Variants in CADM2 observed in about 807,000 individuals in gnomAD.
The protein encoded by CADM2 is immunoglobulin superfamily member 4D.
A neutral mutation model predicts 49.8 loss-of-function variants in CADM2; 12 were observed. The ratio of observed to expected loss-of-function variants is 0.24; its 90% CI spans 0.15 to 0.39. The LOEUF is 0.39. Among genes scored for constraint, CADM2 ranks in the 10% least tolerant of loss-of-function variants. The pLI, the probability that CADM2 is intolerant of heterozygous loss-of-function variation, is 1.00. For missense variants in CADM2, 378 were observed against 492.3 expected (o/e 0.77, Z 2.20); for synonymous variants, 214 against 175.4 (o/e 1.22, Z -1.74).
chr3:85,377,348 G>A (rs1256976198), intron 1 of CADM2, among the ~76,000 whole-genome samples: 1 of 152,072 alleles, frequency 6.6e-6, no homozygotes, highest in Non-Finnish European at 1.5e-5. Context: ...ATTAGTGACA[G>A]AGGCTGGGAA....
At chr3:85,441,024 T>A (rs565144706) in intron 1 of CADM2, among the ~76,000 whole-genome samples, 3 of 152,102 alleles carry the variant, frequency 2.0e-5, no homozygotes, top group African/African-American at 4.8e-5. Flanking sequence ...CTTTACAATA[T>A]TGGTATCTTT....
chr3:85,018,207 A>G (rs2034334717), intron 1 of CADM2, among the ~76,000 whole-genome samples: 2 of 152,178 alleles, frequency 1.3e-5, no homozygotes, highest in Non-Finnish European at 2.9e-5. Context: ...AGAGTTTCAT[A>G]TCAGGAATCA....
chr3:86,013,390 A>G (rs1731799426), intron 8 of CADM2: 16 of 1,539,560 alleles, frequency 1.0e-5, no homozygotes, highest in Non-Finnish European at 1.4e-5. Flanking sequence ...ATACCTCTGG[A>G]TGGACAGGAG....
At chr3:85,507,307 C>G (rs2040400184) in intron 1 of CADM2, among the ~76,000 whole-genome samples, 1 of 151,650 alleles carries the variant, frequency 6.6e-6, no homozygotes, top group Non-Finnish European at 1.5e-5. Flanking sequence ...CCTGTCTCAG[C>G]CTCCCAAGTA....
At chr3:85,759,539 A>G (rs1181678798) in intron 2 of CADM2, among the ~76,000 whole-genome samples, 1 of 152,092 alleles carries the variant, frequency 6.6e-6, no homozygotes, top group Non-Finnish European at 1.5e-5. Flanking sequence ...TCTAGATGGC[A>G]ACATCTTTTA....
intron 1 of CADM2, among the ~76,000 whole-genome samples, chr3:85,238,178 T>G (rs1400702224): frequency 2.0e-5 from 3 of 151,950 alleles, no homozygotes; most frequent in Non-Finnish European, 4.4e-5. Flanking sequence ...TATTTTACTT[T>G]TATATTGTTT....
At chr3:85,289,009 C>A (rs2043707875) in intron 1 of CADM2, among the ~76,000 whole-genome samples, 1 of 152,006 alleles carries the variant, frequency 6.6e-6, no homozygotes, top group African/African-American at 2.4e-5. Flanking sequence ...TCATTTCCTC[C>A]TATGTACCAG....
At chr3:85,726,579 C>T in intron 2 of CADM2, 31 bp downstream of exon 2, 7 of 1,566,724 alleles carry the variant, frequency 4.5e-6, no homozygotes, top group Non-Finnish European at 6.1e-6. Flanking sequence ...CATGAGTCAT[C>T]ATCATTCATT....
intron 1 of CADM2, among the ~76,000 whole-genome samples, chr3:85,083,180 T>TA (rs1035882817): frequency 2.0e-4 from 30 of 152,112 alleles, no homozygotes; most frequent in African/African-American, 7.0e-4. Context: ...GTCTGTCCTC[T>TA]AAATAAGAAA....
chr3:85,961,234 A>G (rs1035115284), intron 7 of CADM2, among the ~76,000 whole-genome samples: 1 of 150,730 alleles, frequency 6.6e-6, no homozygotes, highest in African/African-American at 2.5e-5. Context: ...CTGGGACTCA[A>G]CAAATTAGTC....
chr3:86,009,798 TTTTAA>T (rs1362751058), intron 8 of CADM2, among the ~76,000 whole-genome samples: 5 of 151,908 alleles, frequency 3.3e-5, no homozygotes, highest in African/African-American at 1.2e-4. Context: ...ATAATATATA[TTTTAA>T]TTTATTTAAA....
At chr3:84,984,171 G>C (rs1426962220) in intron 1 of CADM2, among the ~76,000 whole-genome samples, 1 of 151,300 alleles carries the variant, frequency 6.6e-6, no homozygotes, top group East Asian at 1.9e-4. Flanking sequence ...TTCCCATGTT[G>C]CATCTCCTTA....
chr3:85,701,082 A>C (rs1292538168), intron 1 of CADM2, among the ~76,000 whole-genome samples: 7 of 152,170 alleles, frequency 4.6e-5, no homozygotes, highest in Admixed American at 2.0e-4. Flanking sequence ...TTCTACTTCA[A>C]TGGAGGCCTC....
chr3:85,978,573 T>G (rs559172147), intron 8 of CADM2, among the ~76,000 whole-genome samples: 4 of 151,776 alleles, frequency 2.6e-5, no homozygotes, highest in Middle Eastern at 6.8e-3. Flanking sequence ...GACTCTAAAC[T>G]GTGCATTAAC....
At chr3:85,393,086 C>CT (rs1194504111) in intron 1 of CADM2, among the ~76,000 whole-genome samples, 2 of 45,442 alleles carry the variant, frequency 4.4e-5, no homozygotes, top group Non-Finnish European at 8.9e-5. Flanking sequence ...AAAGTAAACT[C>CT]TTTAAAAAAA....
At chr3:85,184,490 A>C (rs1162641723) in intron 1 of CADM2, among the ~76,000 whole-genome samples, 1 of 152,104 alleles carries the variant, frequency 6.6e-6, no homozygotes, top group Non-Finnish European at 1.5e-5. Flanking sequence ...TTCTTTAAAC[A>C]TTTGCTGAAT....
At chr3:85,262,762 A>T (rs572255123) in intron 1 of CADM2, among the ~76,000 whole-genome samples, 1 of 152,186 alleles carries the variant, frequency 6.6e-6, no homozygotes, top group South Asian at 2.1e-4. Flanking sequence ...CTCCTAAATG[A>T]CTGCCTCAAA....
chr3:85,330,156 T>G lies in CADM2; in HGVS notation c.61+370488T>G, dbSNP rs147203288. Among the ~76,000 whole-genome samples the G allele has an allele frequency of 8.3e-4, 127 of 152,296 alleles. 2 individuals are homozygous for G. The highest frequency in any genetic ancestry group is 3.4e-3 in the Middle Eastern group (1 of 294). On this transcript the variant is annotated intron_variant, in intron 1 of 9. Transcript: ENST00000383699. ...AATCACTGGAAATTTTCATGATGCC[T>G]AGAGTCACAAGAGTCTCCTCATCAC...
intron 1 of CADM2, among the ~76,000 whole-genome samples, chr3:85,256,754 A>G (rs1369417793): frequency 1.3e-5 from 2 of 152,148 alleles, no homozygotes; most frequent in African/African-American, 2.4e-5. Flanking sequence ...CACACCGTCC[A>G]TTCTGTAACT....
Sources: gnomAD v4.1 joint callset for allele counts (sites outside exome capture counted in the v4.1 genomes callset) on GRCh38, gnomAD v4.1.1 for gene constraint, MANE v1.5 for transcripts, NCBI Gene and HGNC (gene_info 2026-07-23, HGNC 2026-07-21) for gene names.